Variants in IDE observed in about 807,000 individuals in gnomAD.
The protein encoded by IDE is insulin-degrading enzyme.
A neutral mutation model predicts 133.2 loss-of-function variants in IDE; 58 were observed. That is an observed-to-expected ratio of 0.44 (90% CI 0.35 to 0.54). The LOEUF (loss-of-function observed/expected upper bound fraction) is 0.54. Among genes scored for constraint, IDE ranks in the 20% least tolerant of loss-of-function variants. The pLI is 0.00. For missense variants in IDE, 981 were observed against 1,234.0 expected (o/e 0.79, Z 3.07); for synonymous variants, 396 against 421.3 (o/e 0.94, Z 0.73).
At position 92,538,543 on chromosome 10, in the gene IDE, A is replaced by G. The variant is rs74966462; in HGVS notation, c.99-993T>C. 1.2e-4 allele frequency among the ~76,000 whole-genome samples: 19 copies of G among 152,368 alleles called. No individual in the cohort carries two copies. The East Asian group carries it at 2.7e-3, about 22-fold the overall frequency. On this transcript the variant is annotated intron_variant, in intron 1 of 24. Coordinates refer to ENST00000265986, the MANE Select transcript of IDE (RefSeq NM_004969.4). ...ATGCCAGAGCAGGAAAAGTCTGGCA[A>G]TCTTAACAGAAATGTCAGAAAAATT... is the stretch of plus-strand genomic sequence containing the variant.
intron 1 of IDE, among the ~76,000 whole-genome samples, chr10:92,548,359 C>CAAAAAAAAAAA: frequency 2.5e-5 from 1 of 39,702 alleles, no homozygotes; most frequent in Non-Finnish European, 4.1e-5. Flanking sequence ...AACTCCATCT[C>CAAAAAAAAAAA]AAAAAAAAAA....
At chr10:92,463,660 C>T in intron 21 of IDE, 71 bp downstream of exon 21, 1 of 1,383,794 alleles carries the variant, frequency 7.2e-7, no homozygotes, top group Non-Finnish European at 1.0e-6. Context: ...AAATGAATAC[C>T]ATTTTGTAGA....
Position 92,458,557 on chromosome 10 carries a change from A to G in IDE, c.2824-2126T>C, listed in dbSNP as rs1174260753. Reference sequence around the variant, plus strand: ...CGCTCTGTCGCCCAGGCTGGAGTGCAGTGGTGCTATCTTGGCTCACTGCAA... The same window carrying G: ...CGCTCTGTCGCCCAGGCTGGAGTGCGGTGGTGCTATCTTGGCTCACTGCAA... On this transcript the variant is annotated intron_variant, in intron 22 of 24. Transcript: ENST00000265986. Among the ~76,000 whole-genome samples the G allele has an allele frequency of 1.1e-3, 145 of 128,236 alleles. 3 individuals carry two copies. Among genetic ancestry groups the G allele is most frequent in the Non-Finnish European group, 1.5e-4 (10 of 64,964 alleles). 84.1% of individuals were successfully genotyped at this position (128,236 alleles called of 152,430 possible).
At position 92,530,307 on chromosome 10, in the gene IDE, T is replaced by G. The variant is rs548851442; in HGVS notation, c.661+1441A>C. ...AAAAAACAAAAAAAAAGTTGTTGTT[T>G]TTTTTTTGAGACAGGGTCTTACTAT... On this transcript the variant is annotated intron_variant, in intron 4 of 24. Coordinates refer to ENST00000265986, the MANE Select transcript of IDE (RefSeq NM_004969.4). Among the ~76,000 whole-genome samples, 4 of 152,094 alleles carry G rather than the reference T, an allele frequency of 2.6e-5. No homozygotes were observed. The South Asian group carries it at 6.2e-4, about 24-fold the overall frequency.
chr10:92,527,890 C>A (rs1395042282), intron 4 of IDE, among the ~76,000 whole-genome samples: 1 of 152,160 alleles, frequency 6.6e-6, no homozygotes, highest in Non-Finnish European at 1.5e-5. Context: ...GTGGCACGTG[C>A]CTGTAATCCC....
intron 1 of IDE, chr10:92,572,818 A>G (rs1589568215): frequency 1.1e-6 from 1 of 909,756 alleles, no homozygotes; most frequent in East Asian, 1.2e-4. Context: ...CCTCACTCCA[A>G]CCTTTCTGCC....
intron 5 of IDE, among the ~76,000 whole-genome samples, chr10:92,513,709 T>C (rs1848749822): frequency 6.6e-6 from 1 of 150,910 alleles, no homozygotes; most frequent in Non-Finnish European, 1.5e-5. Context: ...TATATTCATA[T>C]ATATGAGAAT....
intron 4 of IDE, among the ~76,000 whole-genome samples, chr10:92,531,388 C>T (rs1282179555): frequency 6.6e-6 from 1 of 151,998 alleles, no homozygotes; most frequent in Admixed American, 6.6e-5. Context: ...GAAGTAGAGG[C>T]AATGAGGACA....
chr10:92,462,317 TA>T (rs57235158), intron 21 of IDE, among the ~76,000 whole-genome samples: 1,664 of 75,174 alleles, frequency 0.022, 31 homozygotes, highest in African/African-American at 0.075. Context: ...AACTGTCTCA[TA>T]AAAAAAAAAA....
chr10:92,546,729 C>T (rs1589519209), intron 1 of IDE, among the ~76,000 whole-genome samples: 1 of 152,198 alleles, frequency 6.6e-6, no homozygotes, highest in Non-Finnish European at 1.5e-5. Flanking sequence ...GGACTTTACT[C>T]ATTACATATT....
At chr10:92,492,177 G>A (rs1041841967) in intron 11 of IDE, among the ~76,000 whole-genome samples, 7 of 151,532 alleles carry the variant, frequency 4.6e-5, no homozygotes, top group Non-Finnish European at 8.8e-5. Flanking sequence ...GGAGAATGGC[G>A]TGAACCCGGA....
At chr10:92,486,564 A>G (rs1393586598) in intron 13 of IDE, among the ~76,000 whole-genome samples, 4 of 151,740 alleles carry the variant, frequency 2.6e-5, no homozygotes, top group Admixed American at 1.3e-4. Context: ...GAGAAGAAAT[A>G]CGTTTAGAAG....
chr10:92,527,554 T>C (rs940103928), intron 4 of IDE, among the ~76,000 whole-genome samples: 5 of 152,166 alleles, frequency 3.3e-5, no homozygotes, highest in Non-Finnish European at 7.4e-5. Context: ...TTATATAGAG[T>C]TTAACCATCC....
intron 11 of IDE, among the ~76,000 whole-genome samples, chr10:92,496,863 AC>A (rs1847734007): frequency 6.6e-6 from 1 of 152,252 alleles, no homozygotes; most frequent in Admixed American, 6.5e-5. Context: ...TTAGGCAACT[AC>A]CAAATCCTAA....
intron 11 of IDE, among the ~76,000 whole-genome samples, chr10:92,491,451 A>T (rs776985522): frequency 6.6e-6 from 1 of 152,084 alleles, no homozygotes; most frequent in Non-Finnish European, 1.5e-5. Context: ...TATGTCTACT[A>T]CAAATACACA....
Position 92,454,013 on chromosome 10 carries a change from G to C in IDE, c.*431C>G, listed in dbSNP as rs926899021. On this transcript the variant is annotated 3_prime_UTR_variant, in exon 25 of 25. Transcript: ENST00000265986. Reference sequence around the variant, plus strand: ...AAACCATCAAGTAGAAAGCAAATTTGAGGATCAATTTTTAAAAAGTTATTA... The same window carrying C: ...AAACCATCAAGTAGAAAGCAAATTTCAGGATCAATTTTTAAAAAGTTATTA... 1.3e-5 allele frequency: 2 copies of C among 153,646 alleles called. No individual in the cohort carries two copies. The highest frequency in any genetic ancestry group is 2.9e-5 in the Non-Finnish European group (2 of 68,972). 9.5% of individuals were successfully genotyped at this position (153,646 alleles called of 1,614,324 possible).
At chr10:92,527,930 C>T (rs1333764553) in intron 4 of IDE, among the ~76,000 whole-genome samples, 1 of 152,120 alleles carries the variant, frequency 6.6e-6, no homozygotes, top group Non-Finnish European at 1.5e-5. Flanking sequence ...ACAGGGGAAT[C>T]GTTTGAACCT....
chr10:92,502,572 T>C (rs1055901733), intron 11 of IDE, among the ~76,000 whole-genome samples: 3 of 152,218 alleles, frequency 2.0e-5, no homozygotes, highest in Non-Finnish European at 4.4e-5. Flanking sequence ...TTTCTACATA[T>C]GCAATTATGT....
intron 1 of IDE, among the ~76,000 whole-genome samples, chr10:92,544,286 C>G (rs1842440987): frequency 1.3e-5 from 2 of 151,522 alleles, no homozygotes; most frequent in African/African-American, 4.8e-5. Context: ...TCCTAACAAT[C>G]ACTCTCATTT....
Sources: allele counts gnomAD v4.1 joint callset (sites outside exome capture counted in the v4.1 genomes callset), GRCh38; gene constraint gnomAD v4.1.1; transcripts MANE v1.5; gene names NCBI Gene and HGNC (gene_info 2026-07-23, HGNC 2026-07-21).